Variants in TRAPPC2L observed in about 807,000 individuals in gnomAD.
The protein encoded by TRAPPC2L is trafficking protein particle complex subunit 2L.
In TRAPPC2L, 17 loss-of-function variants were observed where a neutral mutation model predicts 13.2. The observed-to-expected ratio is 1.29, with a 90% confidence interval of 0.88 to 1.93. The LOEUF is 1.93. Ranked by LOEUF, TRAPPC2L falls within the 30% of genes most tolerant of loss-of-function variation. The probability of loss-of-function intolerance (pLI) is 0.00; values close to 1 mark genes in which losing one functional copy is unlikely to be tolerated. For synonymous variants in TRAPPC2L, 150 were observed against 98.1 expected (o/e 1.53, Z -3.12); for missense variants, 359 against 252.1 (o/e 1.42, Z -2.87).
exon 2 of TRAPPC2L, chr16:88,858,785 A>G (rs765231553): frequency 3.1e-6 from 5 of 1,612,844 alleles, no homozygotes; most frequent in East Asian, 2.2e-5. Context: ...ACGGAGGACT[A>G]CAAGGTGTAT....
At chr16:88,856,523 C>T (rs983197990), upstream of TRAPPC2L, 9 of 697,498 alleles carry the variant, frequency 1.3e-5, no homozygotes, top group Non-Finnish European at 2.3e-5. Context: ...CCGCCGAGAC[C>T]CCACGCCTGG....
At chr16:88,857,016 G>C (rs1967961244), upstream of TRAPPC2L, 1 of 1,391,660 alleles carries the variant, frequency 7.2e-7, no homozygotes, top group Non-Finnish European at 9.2e-7. Flanking sequence ...GGAGGGACGG[G>C]AGGCGGGGCC....
exon 4 of TRAPPC2L, chr16:88,859,908 C>T (rs769654529): frequency 1.2e-6 from 2 of 1,602,304 alleles, no homozygotes; most frequent in East Asian, 2.2e-5. Flanking sequence ...CCGGAAGCTA[C>T]ACAACTCCTA....
chr16:88,858,270 C>A (rs373658337), intron 1 of TRAPPC2L, among the ~76,000 whole-genome samples: 1 of 152,200 alleles, frequency 6.6e-6, no homozygotes, highest in South Asian at 2.1e-4. Flanking sequence ...GTGAGCCATG[C>A]AGAGTTAGAG....
exon 4 of TRAPPC2L, chr16:88,860,744 G>A (rs1217258401): frequency 1.4e-6 from 1 of 711,578 alleles, no homozygotes; most frequent in African/African-American, 1.8e-5. Flanking sequence ...TGGGTTCTCA[G>A]TGCCCGGTGG....
exon 4 of TRAPPC2L, chr16:88,860,399 AT>A: frequency 1.6e-6 from 1 of 612,358 alleles, no homozygotes; most frequent in South Asian, 1.9e-5. Flanking sequence ...AAGTAAACAG[AT>A]TTAACTTTTG....
At chr16:88,856,718 CCCCACCCCGG>C, upstream of TRAPPC2L, 1 of 839,962 alleles carries the variant, frequency 1.2e-6, no homozygotes, top group Non-Finnish European at 1.8e-6. Flanking sequence ...CCCCTCCCCG[CCCCACCCCGG>C]CCCTGCCCCG....
At chr16:88,859,773 C>T (rs750953639) in intron 3 of TRAPPC2L, 23 bp downstream of exon 3, 1 of 1,603,188 alleles carries the variant, frequency 6.2e-7, no homozygotes, top group East Asian at 2.2e-5. Context: ...GTTAGAGGGC[C>T]ACGCCCGAGT....
chr16:88,857,405 C>G (rs1179548136), intron 1 of TRAPPC2L: 2 of 501,290 alleles, frequency 4.0e-6, no homozygotes, highest in Non-Finnish European at 7.0e-6. Context: ...GAACGCACCC[C>G]TCGGCGCAGC....
rs538113545 is a variant in TRAPPC2L, at chr16:88,857,457, C to G, written c.33+274C>G. ...AGGACCCACCAGAAACCTAGGTGGT[C>G]CCGGGCACTACCTCCGTCCTCCGTC... On this transcript the variant is annotated intron_variant, in intron 1 of 3. Transcript: ENST00000565504. 1.8e-3 allele frequency: 771 copies of G among 433,564 alleles called. 4 individuals carry two copies. The highest frequency in any genetic ancestry group is 0.014 in the African/African-American group (700 of 48,630). 26.9% of individuals were successfully genotyped at this position (433,564 alleles called of 1,614,324 possible).
At chr16:88,859,872 G>A in intron 3 of TRAPPC2L, 21 bp from the exon 4 acceptor site, 1 of 1,552,190 alleles carries the variant, frequency 6.4e-7, no homozygotes, top group East Asian at 2.3e-5. Flanking sequence ...GCAAGGTCAT[G>A]GTTTGCTGGG....
At chr16:88,857,117 A>T, upstream of TRAPPC2L, 1 of 1,535,156 alleles carries the variant, frequency 6.5e-7, no homozygotes, top group Non-Finnish European at 8.7e-7. Flanking sequence ...GCGGCGGGTC[A>T]CGTGACGCGG....
At chr16:88,857,252 T>C in intron 1 of TRAPPC2L, 69 bp downstream of exon 1, 1 of 1,378,650 alleles carries the variant, frequency 7.3e-7, no homozygotes, top group Non-Finnish European at 9.7e-7. Flanking sequence ...TTCTACTTCT[T>C]CCCTGGGCTT....
At chr16:88,856,251 G>A (rs1171969565), upstream of TRAPPC2L, 2 of 702,948 alleles carry the variant, frequency 2.8e-6, no homozygotes, top group African/African-American at 3.5e-5. Flanking sequence ...CGTCAGGTAA[G>A]ACTGGAGCCC....
upstream of TRAPPC2L, chr16:88,856,581 A>ACC (rs113289677): frequency 1.0e-4 from 49 of 490,908 alleles, no homozygotes; most frequent in Non-Finnish European, 1.2e-4. Flanking sequence ...GCACGGGGAT[A>ACC]CCCCCCGTCC....
At chr16:88,861,653 C>T in exon 4 of TRAPPC2L, 1 of 500,026 alleles carries the variant, frequency 2.0e-6, no homozygotes, top group South Asian at 1.5e-5. Context: ...TGACTACCAC[C>T]CAGGGCAGCG....
At position 88,857,261 on chromosome 16, in the gene TRAPPC2L, T is replaced by C. The variant is rs78088348; in HGVS notation, c.33+78T>C. The C allele has an allele frequency of 0.029, 38,438 of 1,323,806 alleles. 703 individuals are homozygous for C. Among genetic ancestry groups the C allele is most frequent in the African/African-American group, 0.074 (4,856 of 65,564 alleles). 82.0% of individuals were successfully genotyped at this position (1,323,806 alleles called of 1,614,324 possible). On this transcript the variant is annotated intron_variant, in intron 1 of 3. Transcript: ENST00000565504. ...CTTTCTTTCTACTTCTTCCCTGGGC[T>C]TAGAAGGCACCTTAGGAAATGGGAC...
chr16:88,857,110 G>A, upstream of TRAPPC2L: 1 of 1,530,182 alleles, frequency 6.5e-7, no homozygotes, highest in Non-Finnish European at 8.8e-7. Flanking sequence ...GTGACCAGCG[G>A]CGGGTCACGT....
Position 88,859,233 on chromosome 16 carries a change from A to G in TRAPPC2L, c.207-430A>G, listed in dbSNP as rs181821991. On this transcript the variant is annotated intron_variant, in intron 2 of 3. Coordinates refer to ENST00000565504, the Ensembl canonical transcript of TRAPPC2L. ...CATGGAATTCAAAGACCTTCCCAAAAGTCATCATGTAGCCTGTCCATGGTG... is the reference window on the plus strand; with the variant it reads ...CATGGAATTCAAAGACCTTCCCAAAGGTCATCATGTAGCCTGTCCATGGTG... 879 of 525,820 alleles carry G rather than the reference A, an allele frequency of 1.7e-3. 4 individuals carry two copies. The highest frequency in any genetic ancestry group is 0.015 in the African/African-American group (790 of 53,024). The allele number at this position is 525,820 out of a possible 1,614,324, so 32.6% of individuals were successfully genotyped here.
Sources: gnomAD v4.1 joint callset for allele counts (sites outside exome capture counted in the v4.1 genomes callset) on GRCh38, gnomAD v4.1.1 for gene constraint, MANE v1.5 for transcripts, NCBI Gene and HGNC (gene_info 2026-07-23, HGNC 2026-07-21) for gene names.